Variants in ZEB1 observed in about 807,000 individuals in gnomAD.
The protein encoded by ZEB1 is zinc finger E-box-binding homeobox 1.
A neutral mutation model predicts 84.9 loss-of-function variants in ZEB1; 21 were observed. The observed-to-expected ratio is 0.25, with a 90% confidence interval of 0.18 to 0.36. The LOEUF (loss-of-function observed/expected upper bound fraction) is 0.36. Ranked by LOEUF, ZEB1 falls within the 10% of genes least tolerant of loss-of-function variation. The pLI, the probability that ZEB1 is intolerant of heterozygous loss-of-function variation, is 1.00. For missense variants in ZEB1, 1,104 were observed against 1,330.2 expected (o/e 0.83, Z 2.65); for synonymous variants, 420 against 471.1 (o/e 0.89, Z 1.41).
chr10:31,423,229 C>A (rs161259), intron 1 of ZEB1, among the ~76,000 whole-genome samples: 37,911 of 151,914 alleles, frequency 0.25, 10,475 homozygotes, highest in African/African-American at 0.69. Flanking sequence ...AATTAGTCTC[C>A]CGGTTTTCTC....
At chr10:31,349,471 A>G (rs913627542) in intron 1 of ZEB1, among the ~76,000 whole-genome samples, 11 of 152,208 alleles carry the variant, frequency 7.2e-5, no homozygotes, top group South Asian at 2.1e-4. Context: ...GATAGCTCCA[A>G]TGTTAGTTTT....
chr10:31,517,690 T>C (rs528343426), intron 6 of ZEB1, among the ~76,000 whole-genome samples: 16 of 152,188 alleles, frequency 1.1e-4, no homozygotes, highest in African/African-American at 3.9e-4. Flanking sequence ...ATAGTGACTT[T>C]GGCTTTAGAA....
chr10:31,473,236 G>T (rs2063539541), intron 2 of ZEB1, among the ~76,000 whole-genome samples: 1 of 150,280 alleles, frequency 6.7e-6, no homozygotes, highest in Non-Finnish European at 1.5e-5. Flanking sequence ...AGGAAATAAA[G>T]GGTATTCAAT....
At chr10:31,337,694 T>G (rs1007120308) in intron 1 of ZEB1, among the ~76,000 whole-genome samples, 4 of 145,998 alleles carry the variant, frequency 2.7e-5, no homozygotes, top group Admixed American at 2.0e-4. Context: ...TTTTTTTTTT[T>G]TTTTTTTTTT....
At chr10:31,504,338 A>G (rs1241101825) in intron 4 of ZEB1, among the ~76,000 whole-genome samples, 1 of 152,026 alleles carries the variant, frequency 6.6e-6, no homozygotes, top group Non-Finnish European at 1.5e-5. Context: ...TACTAATGCC[A>G]TGCTGTTTTC....
In ZEB1 at chr10:31,319,292, G is replaced by T; in HGVS notation, c.58G>T (p.Val20Phe). Residue 20 changes from valine (V) to phenylalanine (F), a missense_variant and splice_region_variant, in exon 1 of 9, where the codon GTT becomes TTT. Val to Phe is a conservative substitution (Grantham distance 50). This residue lies in a region of ZEB1 where 162 missense variants were observed against 184.5 expected (regional missense o/e 0.88). Transcript: ENST00000424869. ...RKQANPRRNN[V>F]TNYNTVVETN... Reference sequence around the variant, plus strand: ...GCAGGCGAACCCGCGGCGCAATAACGGTGAGTGGCGGAGGGGACCGGGGAG... The same window carrying T: ...GCAGGCGAACCCGCGGCGCAATAACTGTGAGTGGCGGAGGGGACCGGGGAG... 6.2e-7 allele frequency: 1 copy of T among 1,607,520 alleles called. No individual in the cohort carries two copies.
intron 6 of ZEB1, 131 bp from the exon 7 acceptor site, chr10:31,519,995 A>G: frequency 1.7e-6 from 2 of 1,208,934 alleles, no homozygotes; most frequent in Non-Finnish European, 2.3e-6. Flanking sequence ...TATTCTAAAT[A>G]CAGTTCTGTC....
intron 1 of ZEB1, among the ~76,000 whole-genome samples, chr10:31,429,359 A>G (rs1160115551): frequency 1.3e-5 from 2 of 152,264 alleles, no homozygotes; most frequent in Non-Finnish European, 2.9e-5. Context: ...GTTAGAATTT[A>G]TTTAAGAATG....
chr10:31,411,495 G>C (rs921697751), intron 1 of ZEB1, among the ~76,000 whole-genome samples: 1 of 151,988 alleles, frequency 6.6e-6, no homozygotes, highest in African/African-American at 2.4e-5. Context: ...AGCCGGGCGC[G>C]GTGGCGGGCG....
At chr10:31,472,347 TA>T (rs1320781786) in intron 2 of ZEB1, among the ~76,000 whole-genome samples, 2 of 151,762 alleles carry the variant, frequency 1.3e-5, no homozygotes, top group Non-Finnish European at 2.9e-5. Context: ...AAGAATCAAA[TA>T]GATGCAATAA....
intron 1 of ZEB1, among the ~76,000 whole-genome samples, chr10:31,441,167 C>A (rs1232113971): frequency 8.5e-5 from 13 of 152,154 alleles, no homozygotes; most frequent in Non-Finnish European, 5.9e-5. Context: ...TACTACAAGG[C>A]AACAGTAACC....
At chr10:31,489,381 A>C (rs1364859472) in intron 2 of ZEB1, among the ~76,000 whole-genome samples, 1 of 151,274 alleles carries the variant, frequency 6.6e-6, no homozygotes, top group African/African-American at 2.4e-5. Context: ...ATTTTTGTAG[A>C]TAGGATATTA....
chr10:31,502,626 A>G (rs2068317814), intron 4 of ZEB1, 117 bp downstream of exon 4: 1 of 1,246,278 alleles, frequency 8.0e-7, no homozygotes, highest in Non-Finnish European at 1.2e-6. Flanking sequence ...AAACTTTATT[A>G]CAGGTGCCTA....
At chr10:31,358,683 AAAG>A (rs1481130882) in intron 1 of ZEB1, 4 of 152,200 alleles carry the variant, frequency 2.6e-5, no homozygotes, top group Non-Finnish European at 5.9e-5. Flanking sequence ...ACAAAGCAAA[AAAG>A]AAATACTTAT....
At chr10:31,454,992 A>C (rs1159991659) in intron 1 of ZEB1, among the ~76,000 whole-genome samples, 3 of 152,222 alleles carry the variant, frequency 2.0e-5, no homozygotes, top group African/African-American at 7.2e-5. Flanking sequence ...TGGAGGCATC[A>C]CACTACCTGA....
At chr10:31,334,987 GA>G (rs1339450014) in intron 1 of ZEB1, among the ~76,000 whole-genome samples, 1 of 151,976 alleles carries the variant, frequency 6.6e-6, no homozygotes, top group East Asian at 1.9e-4. Context: ...TCATGGTTTG[GA>G]AAAAGAAATG....
intron 1 of ZEB1, among the ~76,000 whole-genome samples, chr10:31,375,852 A>G (rs2046527770): frequency 6.6e-6 from 1 of 151,830 alleles, no homozygotes; most frequent in South Asian, 2.1e-4. Context: ...TTAAATGTAG[A>G]AATAAAATGG....
intron 1 of ZEB1, among the ~76,000 whole-genome samples, chr10:31,415,155 G>T (rs988558767): frequency 2.0e-5 from 3 of 152,044 alleles, no homozygotes; most frequent in Non-Finnish European, 4.4e-5. Context: ...TGCCTTTAAG[G>T]TTTCCCTTTG....
At chr10:31,390,882 G>A (rs73260058) in intron 1 of ZEB1, among the ~76,000 whole-genome samples, 10 of 152,220 alleles carry the variant, frequency 6.6e-5, no homozygotes, top group East Asian at 3.9e-4. Context: ...CATTTTTAAT[G>A]TATTGATTTT....
Sources: gnomAD v4.1 joint callset for allele counts (sites outside exome capture counted in the v4.1 genomes callset) on GRCh38, gnomAD v4.1.1 for gene constraint, gnomAD v4.1.1 regional missense constraint, MANE v1.5 for transcripts, NCBI Gene and HGNC (gene_info 2026-07-23, HGNC 2026-07-21) for gene names.